Variants in TRIM36 observed in about 807,000 individuals in gnomAD.
TRIM36 encodes tripartite motif containing 36, also known as E3 ubiquitin-protein ligase TRIM36.
A neutral mutation model predicts 72.4 loss-of-function variants in TRIM36; 42 were observed. The ratio of observed to expected loss-of-function variants is 0.58; its 90% CI spans 0.45 to 0.75. TRIM36 has a LOEUF of 0.75. TRIM36 is among the 30% of genes least tolerant of loss of function. The pLI is 0.00. For synonymous variants in TRIM36, 315 were observed against 282.8 expected (o/e 1.11, Z -1.14); for missense variants, 913 against 857.1 (o/e 1.07, Z -0.81).
chr5:115,165,399 G>A (rs1431390677), intron 1 of TRIM36, among the ~76,000 whole-genome samples: 4 of 152,216 alleles, frequency 2.6e-5, no homozygotes, highest in African/African-American at 9.7e-5. Context: ...TACATCCTCT[G>A]AAATCTAGGC....
At chr5:115,157,034 T>C (rs964324510) in intron 2 of TRIM36, among the ~76,000 whole-genome samples, 1 of 151,748 alleles carries the variant, frequency 6.6e-6, no homozygotes, top group Non-Finnish European at 1.5e-5. Flanking sequence ...AAAGAAGACA[T>C]ACAAGTGGTC....
At chr5:115,176,641 C>G (rs1022538343) in intron 1 of TRIM36, among the ~76,000 whole-genome samples, 23 of 152,094 alleles carry the variant, frequency 1.5e-4, no homozygotes, top group African/African-American at 5.6e-4. Context: ...AATTTGAATT[C>G]TATATTCCTT....
intron 2 of TRIM36, among the ~76,000 whole-genome samples, chr5:115,158,737 A>G (rs972145817): frequency 1.3e-5 from 2 of 152,120 alleles, no homozygotes; most frequent in African/African-American, 4.8e-5. Flanking sequence ...TCTCTCAACT[A>G]CCCTCTGAAC....
chr5:115,126,906 T>A, intron 9 of TRIM36, 49 bp from the exon 10 acceptor site: 2 of 1,512,074 alleles, frequency 1.3e-6, no homozygotes, highest in South Asian at 1.3e-5. Flanking sequence ...GATCTAAGTA[T>A]CTTCAAAACA....
At chr5:115,177,541 C>T in intron 1 of TRIM36, 1 of 1,381,174 alleles carries the variant, frequency 7.2e-7, no homozygotes, top group Non-Finnish European at 9.4e-7. Flanking sequence ...CAAAGGTCTG[C>T]TATTCCATGG....
intron 9 of TRIM36, among the ~76,000 whole-genome samples, chr5:115,128,188 G>A (rs1202183995): frequency 3.3e-5 from 5 of 151,542 alleles, no homozygotes; most frequent in Non-Finnish European, 7.4e-5. Flanking sequence ...TGACCAACAT[G>A]GGGAAATTTC....
Position 115,133,341 on chromosome 5 carries a change from C to G in TRIM36, c.1498+519G>C, listed in dbSNP as rs114697805. 9.1e-4 allele frequency among the ~76,000 whole-genome samples: 139 copies of G among 152,176 alleles called. 1 individual carries two copies. Among genetic ancestry groups the G allele is most frequent in the African/African-American group, 3.2e-3 (134 of 41,510 alleles). On this transcript the variant is annotated intron_variant, in intron 8 of 9. Coordinates refer to ENST00000513154, the MANE Select transcript of TRIM36 (RefSeq NM_001300759.2). ...GGGGGCGATGACTGGGCATAAGGAG[C>G]TTTTAGCGTGGGAGGAAAAGCTATT... is the stretch of plus-strand genomic sequence containing the variant.
At position 115,126,534 on chromosome 5, in the gene TRIM36, G is replaced by C. The variant is rs148672405; in HGVS notation, c.2120C>G (p.Ala707Gly). 1.6e-5 allele frequency: 26 copies of C among 1,610,068 alleles called. No individual in the cohort carries two copies. Among genetic ancestry groups the C allele is most frequent in the Non-Finnish European group, 2.0e-5 (24 of 1,176,744 alleles). Reference protein sequence around the residue: ...GGIQLEEPITAKYLEYQEDM With the variant: ...GGIQLEEPITGKYLEYQEDM ...GTCCTCTTGGTATTCCAGATATTTTGCTGTGATGGGTTCTTCAAGCTGAAT... is the reference window on the plus strand; with the variant it reads ...GTCCTCTTGGTATTCCAGATATTTTCCTGTGATGGGTTCTTCAAGCTGAAT... Residue 707 changes from alanine (A) to glycine (G), a missense_variant, in exon 10 of 10, where the codon GCA becomes GGA. Transcript: ENST00000513154.
At chr5:115,156,571 A>C (rs1164739201) in intron 2 of TRIM36, among the ~76,000 whole-genome samples, 2 of 152,238 alleles carry the variant, frequency 1.3e-5, no homozygotes, top group African/African-American at 4.8e-5. Context: ...TGGGTAAAGG[A>C]CATCCTTTTC....
At chr5:115,130,917 G>T (rs371685471) in intron 8 of TRIM36, 28 bp from the exon 9 acceptor site, 13 of 1,582,206 alleles carry the variant, frequency 8.2e-6, no homozygotes, top group Non-Finnish European at 1.0e-5. Flanking sequence ...TTAATATCAG[G>T]CTAAAAATTA....
At chr5:115,135,699 T>C (rs933947597) in intron 7 of TRIM36, among the ~76,000 whole-genome samples, 2 of 152,170 alleles carry the variant, frequency 1.3e-5, no homozygotes, top group East Asian at 1.9e-4. Context: ...TATCTATTTG[T>C]ATATATACTA....
chr5:115,127,621 A>C lies in TRIM36; in HGVS notation c.1797-764T>G, dbSNP rs548068680. ...GCTTAGTGACGTGGTAGCCACTGTA[A>C]GGCTGTAGTGTAACCCATTACATGT... On this transcript the variant is annotated intron_variant, in intron 9 of 9. Coordinates refer to ENST00000513154, the MANE Select transcript of TRIM36 (RefSeq NM_001300759.2). Among the ~76,000 whole-genome samples the C allele has an allele frequency of 2.6e-5, 4 of 152,342 alleles. No individual in the cohort carries two copies. In the South Asian group the frequency reaches 8.3e-4, roughly 32 times the overall value.
In TRIM36 at chr5:115,141,368, G is replaced by C; in HGVS notation, c.742C>G (p.Leu248Val). 6.3e-7 allele frequency: 1 copy of C among 1,583,666 alleles called. No individual in the cohort carries two copies. Among genetic ancestry groups the C allele is most frequent in the Non-Finnish European group, 8.5e-7 (1 of 1,170,314 alleles). ...ATAAGGTAATCAATATCCTTTGAAA[G>C]CTTTTCCTGTTGAAACATATTCGTA... The part of the protein sequence containing the change: ...SSAYKTLKEK[L>V]SKDIDYLIGK... Residue 248 changes from leucine (L) to valine (V), a missense_variant, in exon 5 of 10, where the codon CTT becomes GTT. Physicochemically the swap from Leu to Val is conservative, Grantham distance 32 (BLOSUM62 1). Transcript: ENST00000513154.
At chr5:115,133,168 C>T (rs1752781069) in intron 8 of TRIM36, among the ~76,000 whole-genome samples, 1 of 152,190 alleles carries the variant, frequency 6.6e-6, no homozygotes, top group Non-Finnish European at 1.5e-5. Flanking sequence ...TTCCTGCTAA[C>T]CAGGCTGAGC....
chr5:115,133,839 T>C (rs775845310), intron 8 of TRIM36, 21 bp downstream of exon 8: 2 of 1,546,970 alleles, frequency 1.3e-6, no homozygotes, highest in South Asian at 1.3e-5. Context: ...ATGCTTTTTT[T>C]ATTCCTGATA....
intron 2 of TRIM36, among the ~76,000 whole-genome samples, chr5:115,155,877 G>A (rs1166159403): frequency 6.6e-6 from 1 of 152,180 alleles, no homozygotes; most frequent in Non-Finnish European, 1.5e-5. Context: ...ACTGTTTGCT[G>A]ATGACATGAT....
intron 2 of TRIM36, among the ~76,000 whole-genome samples, chr5:115,162,556 A>G (rs904659975): frequency 1.3e-5 from 2 of 152,240 alleles, no homozygotes; most frequent in Non-Finnish European, 2.9e-5. Context: ...GAATTTTGTG[A>G]AATATGTATA....
Position 115,169,882 on chromosome 5 carries a change from G to C in TRIM36, c.-248C>G. On this transcript the variant is annotated 5_prime_UTR_variant, in exon 1 of 10. Coordinates refer to ENST00000513154, the MANE Select transcript of TRIM36 (RefSeq NM_001300759.2). Reference sequence around the variant, plus strand: ...CCCCGGGAATCCCGCCCAGCTGCCGGCTGCAGCAGCGGCTCCTGCGGACTG... The same window carrying C: ...CCCCGGGAATCCCGCCCAGCTGCCGCCTGCAGCAGCGGCTCCTGCGGACTG... The C allele has an allele frequency of 7.7e-7, 1 of 1,304,346 alleles. No homozygotes were observed. Among genetic ancestry groups the C allele is most frequent in the African/African-American group, 1.5e-5 (1 of 65,018 alleles). 80.8% of individuals were successfully genotyped at this position (1,304,346 alleles called of 1,614,324 possible). A position where few individuals can be genotyped will look rare whatever the true frequency, so the allele number is the denominator to read the frequency against.
intron 2 of TRIM36, among the ~76,000 whole-genome samples, chr5:115,162,017 T>C (rs1212927021): frequency 2.6e-5 from 4 of 152,188 alleles, no homozygotes; most frequent in Non-Finnish European, 4.4e-5. Flanking sequence ...TGTGCGCGTG[T>C]GTCTTCTTTC....
Sources: allele counts gnomAD v4.1 joint callset (sites outside exome capture counted in the v4.1 genomes callset), GRCh38; gene constraint gnomAD v4.1.1; transcripts MANE v1.5; gene names NCBI Gene and HGNC (gene_info 2026-07-23, HGNC 2026-07-21).